FBXL7: variants seen among roughly 807,000 people sequenced by gnomAD.
FBXL7 encodes the protein F-box and leucine rich repeat protein 7.
A neutral mutation model predicts 38.3 loss-of-function variants in FBXL7; 12 were observed. That is an observed-to-expected ratio of 0.31 (90% CI 0.20 to 0.51). The LOEUF is 0.51. FBXL7 is among the 20% of genes least tolerant of loss of function. The pLI is 0.98. For synonymous variants in FBXL7, 297 were observed against 300.9 expected (o/e 0.99, Z 0.13); for missense variants, 567 against 676.4 (o/e 0.84, Z 1.79).
chr5:15,508,647 C>T (rs1467204931), intron 1 of FBXL7, among the ~76,000 whole-genome samples: 2 of 152,140 alleles, frequency 1.3e-5, no homozygotes, highest in African/African-American at 2.4e-5. Flanking sequence ...CACATAATCA[C>T]ATGTGATTAT....
chr5:15,635,373 C>A (rs4449527), intron 2 of FBXL7, among the ~76,000 whole-genome samples: 3,585 of 152,256 alleles, frequency 0.024, 61 homozygotes, highest in Non-Finnish European at 0.036. Context: ...CAGAAAGAGT[C>A]TTCTAAGAGA....
chr5:15,597,689 A>G (rs578093980), intron 1 of FBXL7, among the ~76,000 whole-genome samples: 1 of 152,218 alleles, frequency 6.6e-6, no homozygotes, highest in South Asian at 2.1e-4. Flanking sequence ...GACTAGAGGG[A>G]AAAGTAGTTC....
chr5:15,844,498 GA>G (rs1738838888), intron 2 of FBXL7, among the ~76,000 whole-genome samples: 1 of 152,226 alleles, frequency 6.6e-6, no homozygotes, highest in South Asian at 2.1e-4. Flanking sequence ...GTGGAGCAGG[GA>G]AAGAAAACCA....
intron 1 of FBXL7, among the ~76,000 whole-genome samples, chr5:15,509,862 A>G (rs1016381613): frequency 1.3e-5 from 2 of 152,228 alleles, no homozygotes. Context: ...GCAGAGAATA[A>G]TAGTGGAAGC....
intron 2 of FBXL7, among the ~76,000 whole-genome samples, chr5:15,824,295 C>CA (rs57955989): frequency 0.59 from 72,845 of 122,638 alleles, 21,240 homozygotes; most frequent in Non-Finnish European, 0.69. Context: ...GACTCCGTCT[C>CA]AAAAAAAAAA....
chr5:15,583,253 C>T (rs1203883066), intron 1 of FBXL7, among the ~76,000 whole-genome samples: 3 of 152,244 alleles, frequency 2.0e-5, no homozygotes, highest in Admixed American at 6.5e-5. Flanking sequence ...GTCTCTCCCT[C>T]GACACCTGGG....
rs62347908 is a variant in FBXL7 at position 15,596,720 on chromosome 5, G to T, written c.38-19263G>T. 3.6e-3 allele frequency among the ~76,000 whole-genome samples: 546 copies of T among 152,270 alleles called. 2 individuals are homozygous for T. Among genetic ancestry groups the T allele is most frequent in the Non-Finnish European group, 5.2e-3 (355 of 68,018 alleles). On this transcript the variant is annotated intron_variant, in intron 1 of 3. Coordinates refer to ENST00000504595, the MANE Select transcript of FBXL7 (RefSeq NM_012304.5). ...GCTGAAGGTTGAGTTGATCACCAAT[G>T]GCTAATGATGAAATCAATCATGCCT...
At position 15,602,757 on chromosome 5, in the gene FBXL7, T is replaced by TA. The variant is rs1184299766; in HGVS notation, c.38-13220dup. Among the ~76,000 whole-genome samples, 4 of 152,236 alleles carry TA rather than the reference T, an allele frequency of 2.6e-5. No individual in the cohort carries two copies. In the East Asian group the frequency reaches 7.8e-4, roughly 30 times the overall value. On this transcript the variant is annotated intron_variant, in intron 1 of 3. Coordinates refer to ENST00000504595, the MANE Select transcript of FBXL7 (RefSeq NM_012304.5). ...CCCAAAAAGAAGAATAAAATACTCT[T>TA]AAAAAAGAAAATAAAACAGTGTTTG...
intron 2 of FBXL7, among the ~76,000 whole-genome samples, chr5:15,791,877 T>TGG (rs754679912): frequency 3.3e-5 from 5 of 152,210 alleles, no homozygotes; most frequent in Middle Eastern, 3.4e-3. Context: ...CCCTTAGAGA[T>TGG]CTGGCTGCTG....
intron 2 of FBXL7, among the ~76,000 whole-genome samples, chr5:15,912,448 C>G (rs369186381): frequency 6.8e-6 from 1 of 146,934 alleles, no homozygotes; most frequent in Non-Finnish European, 1.5e-5. Flanking sequence ...GAGATGAACC[C>G]GGTACCTCAG....
intron 2 of FBXL7, among the ~76,000 whole-genome samples, chr5:15,911,345 G>C (rs1422486277): frequency 7.7e-5 from 7 of 90,956 alleles, no homozygotes; most frequent in Non-Finnish European, 1.4e-4. Context: ...CATTCTTCAC[G>C]TAGTTCTCGA....
At chr5:15,746,885 C>CT (rs200066810) in intron 2 of FBXL7, among the ~76,000 whole-genome samples, 83 of 148,592 alleles carry the variant, frequency 5.6e-4, no homozygotes, top group African/African-American at 1.4e-3. Context: ...ACGAGTGCCA[C>CT]TTTTTTTTTT....
rs139742924 is a variant in FBXL7 at position 15,843,553 on chromosome 5, C to T, written c.128-84337C>T. On this transcript the variant is annotated intron_variant, in intron 2 of 3. Transcript: ENST00000504595. ...CCCCATAGTCTAAGAATGCAAAGAA[C>T]AGTAGTGTTCAGAAGACGAATAATA... Among the ~76,000 whole-genome samples the T allele has an allele frequency of 5.2e-3, 787 of 152,236 alleles. 2 individuals are homozygous for T. The highest frequency in any genetic ancestry group is 9.9e-3 in the Admixed American group (151 of 15,288).
At chr5:15,851,164 G>A (rs1739083384) in intron 2 of FBXL7, among the ~76,000 whole-genome samples, 1 of 152,158 alleles carries the variant, frequency 6.6e-6, no homozygotes, top group Non-Finnish European at 1.5e-5. Context: ...TGCCAGGTCC[G>A]TTCACAATCA....
intron 2 of FBXL7, among the ~76,000 whole-genome samples, chr5:15,783,565 G>A (rs960042749): frequency 6.6e-6 from 1 of 152,144 alleles, no homozygotes; most frequent in Non-Finnish European, 1.5e-5. Flanking sequence ...GCAAAAACAA[G>A]GAGAATAGGA....
At chr5:15,543,962 T>A (rs969034191) in intron 1 of FBXL7, among the ~76,000 whole-genome samples, 3 of 152,148 alleles carry the variant, frequency 2.0e-5, no homozygotes, top group Admixed American at 1.3e-4. Flanking sequence ...CCATACCAAA[T>A]TTAGGACCAG....
intron 2 of FBXL7, among the ~76,000 whole-genome samples, chr5:15,862,632 C>A (rs1266704231): frequency 1.3e-5 from 2 of 152,210 alleles, no homozygotes; most frequent in Admixed American, 6.5e-5. Flanking sequence ...TTCCCATGCT[C>A]CAGTGGCTTC....
intron 1 of FBXL7, among the ~76,000 whole-genome samples, chr5:15,564,897 T>C (rs906517312): frequency 5.3e-5 from 8 of 152,160 alleles, no homozygotes; most frequent in Admixed American, 2.6e-4. Context: ...CTAACAGTTA[T>C]GTGGTTTTTA....
intron 2 of FBXL7, among the ~76,000 whole-genome samples, chr5:15,653,940 A>G (rs1182516774): frequency 6.6e-6 from 1 of 152,200 alleles, no homozygotes; most frequent in Non-Finnish European, 1.5e-5. Context: ...GTATTTATTT[A>G]CAGAAACTTT....
Sources: gnomAD v4.1 joint callset for allele counts (sites outside exome capture counted in the v4.1 genomes callset) on GRCh38, gnomAD v4.1.1 for gene constraint, MANE v1.5 for transcripts, NCBI Gene and HGNC (gene_info 2026-07-23, HGNC 2026-07-21) for gene names.